Variants in ARMC8 observed in about 807,000 individuals in gnomAD.
The protein encoded by ARMC8 is armadillo repeat-containing protein 8.
In ARMC8, 20 loss-of-function variants were observed where a neutral mutation model predicts 99.3. The observed-to-expected ratio is 0.20, with a 90% CI of 0.14 to 0.29. The LOEUF is 0.29. ARMC8 is among the 10% of genes least tolerant of loss of function. The pLI, the probability that ARMC8 is intolerant of heterozygous loss-of-function variation, is 1.00. For missense variants in ARMC8, 569 were observed against 809.5 expected, an observed-to-expected ratio of 0.70 and a Z score of 3.60; for synonymous variants, 263 against 278.3, an observed-to-expected ratio of 0.95 and a Z score of 0.55.
At chr3:138,224,332 C>T (rs760386766) in intron 5 of ARMC8, among the ~76,000 whole-genome samples, 3 of 152,118 alleles carry the variant, frequency 2.0e-5, no homozygotes, top group Non-Finnish European at 4.4e-5. Flanking sequence ...ATAGTCCTAG[C>T]TCATGAGACT....
chr3:138,271,131 CT>C (rs1247200243), intron 16 of ARMC8, among the ~76,000 whole-genome samples: 3 of 152,140 alleles, frequency 2.0e-5, no homozygotes, highest in African/African-American at 7.2e-5. Context: ...TTTATACAGA[CT>C]TTAGGATAGA....
chr3:138,294,157 A>G (rs192339333), intron 21 of ARMC8, among the ~76,000 whole-genome samples: 22 of 152,348 alleles, frequency 1.4e-4, no homozygotes, highest in Admixed American at 1.4e-3. Context: ...CAGAATTTCA[A>G]TCAAGACCCT....
intron 21 of ARMC8, among the ~76,000 whole-genome samples, chr3:138,292,070 T>C (rs2051003627): frequency 6.6e-6 from 1 of 152,152 alleles, no homozygotes; most frequent in East Asian, 1.9e-4. Flanking sequence ...GGAGTTTCAC[T>C]CTTGTTGCCC....
chr3:138,288,193 TGTGTGTGTG>T (rs1372951196), intron 19 of ARMC8, among the ~76,000 whole-genome samples: 2 of 152,128 alleles, frequency 1.3e-5, no homozygotes, highest in African/African-American at 4.8e-5. Context: ...TTATAGATTG[TGTGTGTGTG>T]AAAGTCTAGG....
intron 12 of ARMC8, among the ~76,000 whole-genome samples, chr3:138,250,897 A>C (rs1418484055): frequency 1.3e-5 from 2 of 152,280 alleles, no homozygotes; most frequent in East Asian, 3.9e-4. Context: ...CTGTAATTCT[A>C]GCACTTTGGG....
intron 1 of ARMC8, among the ~76,000 whole-genome samples, chr3:138,192,404 A>G (rs1004929530): frequency 6.0e-5 from 9 of 150,014 alleles, no homozygotes; most frequent in African/African-American, 2.2e-4. Context: ...CAGCCTCCTC[A>G]GTAGCTGGGA....
chr3:138,200,904 CTTTTTTTTTT>C (rs34087212), intron 1 of ARMC8, among the ~76,000 whole-genome samples: 6 of 63,378 alleles, frequency 9.5e-5, no homozygotes, highest in East Asian at 6.1e-4. Context: ...CTTCAGTGGG[CTTTTTTTTTT>C]TTTTTTTTTT....
intron 10 of ARMC8, 21 bp downstream of exon 10, chr3:138,239,549 TA>T (rs2046501604): frequency 6.6e-7 from 1 of 1,513,062 alleles, no homozygotes; most frequent in Non-Finnish European, 9.0e-7. Context: ...TAATTATCTT[TA>T]AAATGTGAAA....
intron 18 of ARMC8, among the ~76,000 whole-genome samples, chr3:138,277,627 A>G (rs1427291974): frequency 6.6e-6 from 1 of 152,232 alleles, no homozygotes; most frequent in East Asian, 1.9e-4. Flanking sequence ...CATCTTTTAG[A>G]ATAGCTAAAA....
At chr3:138,190,443 T>C (rs2043320532) in intron 1 of ARMC8, among the ~76,000 whole-genome samples, 1 of 152,000 alleles carries the variant, frequency 6.6e-6, no homozygotes, top group Admixed American at 6.6e-5. Context: ...TCCACTACCA[T>C]GCCTGGCTAA....
chr3:138,291,071 A>C (rs1454562261), intron 21 of ARMC8, among the ~76,000 whole-genome samples: 1 of 152,228 alleles, frequency 6.6e-6, no homozygotes, highest in Non-Finnish European at 1.5e-5. Context: ...CTGTCCTCAA[A>C]GAGCTCATCA....
intron 18 of ARMC8, among the ~76,000 whole-genome samples, chr3:138,282,689 T>A (rs1396019624): frequency 6.6e-6 from 1 of 151,386 alleles, no homozygotes; most frequent in Admixed American, 6.6e-5. Flanking sequence ...CCTTATCCTG[T>A]AGGCTCAGGT....
At chr3:138,271,916 C>G (rs1207156921) in intron 16 of ARMC8, among the ~76,000 whole-genome samples, 1 of 151,950 alleles carries the variant, frequency 6.6e-6, no homozygotes, top group Non-Finnish European at 1.5e-5. Context: ...GTGCCTCAAC[C>G]TCCTGAGTAG....
chr3:138,271,939 G>T (rs2048842419), intron 16 of ARMC8, among the ~76,000 whole-genome samples: 1 of 151,934 alleles, frequency 6.6e-6, no homozygotes, highest in Non-Finnish European at 1.5e-5. Flanking sequence ...GGGATTACAG[G>T]CGTGTGCCAC....
chr3:138,203,694 G>T (rs923234858), intron 1 of ARMC8, among the ~76,000 whole-genome samples: 1 of 152,202 alleles, frequency 6.6e-6, no homozygotes, highest in Non-Finnish European at 1.5e-5. Context: ...GCACGAGGGC[G>T]TGAATATCAG....
chr3:138,257,018 T>TATCTGAGGTC (rs2047442504), intron 12 of ARMC8, among the ~76,000 whole-genome samples: 1 of 152,170 alleles, frequency 6.6e-6, no homozygotes, highest in Non-Finnish European at 1.5e-5. Flanking sequence ...GACTTAATCT[T>TATCTGAGGTC]TCTGAACTTC....
rs377727887 is a variant in ARMC8 at position 138,231,780 on chromosome 3, T to TG, written c.528+2778dup. On this transcript the variant is annotated intron_variant, in intron 6 of 21. Coordinates refer to ENST00000469044, the MANE Select transcript of ARMC8 (RefSeq NM_001363941.2). ...GCAACGTAGTGAGACCCCCCATCTC[T>TG]GGGGGGGGAAAAAAAAAAGACCATG... 9.9e-3 allele frequency among the ~76,000 whole-genome samples: 1,457 copies of TG among 147,204 alleles called. 24 individuals carry two copies. Among genetic ancestry groups the TG allele is most frequent in the African/African-American group, 0.032 (1,279 of 40,272 alleles).
chr3:138,244,432 C>G (rs1191994900), intron 11 of ARMC8, among the ~76,000 whole-genome samples: 1 of 152,130 alleles, frequency 6.6e-6, no homozygotes, highest in East Asian at 1.9e-4. Flanking sequence ...CGCCTGCCAC[C>G]ACGCCCAGCT....
rs2051451493 is a variant in ARMC8 at position 138,296,002 on chromosome 3, G to T, written c.*110G>T. ...TGCACAAGTCACCTTGGACTGCAGG[G>T]AGCTGTTTTGCAAAAGCAGTTTAGT... On this transcript the variant is annotated 3_prime_UTR_variant, in exon 22 of 22. Transcript: ENST00000469044. 2 of 1,194,254 alleles carry T rather than the reference G, an allele frequency of 1.7e-6. No individual in the cohort carries two copies. The highest frequency in any genetic ancestry group is 3.1e-5 in the South Asian group (2 of 64,420). The allele number at this position is 1,194,254 out of a possible 1,614,324, so 74.0% of individuals were successfully genotyped here.
Sources: gnomAD v4.1 joint callset for allele counts (sites outside exome capture counted in the v4.1 genomes callset) on GRCh38, gnomAD v4.1.1 for gene constraint, MANE v1.5 for transcripts, NCBI Gene and HGNC (gene_info 2026-07-23, HGNC 2026-07-21) for gene names.